Variants in DNMBP observed in about 807,000 individuals in gnomAD.
DNMBP encodes dynamin-binding protein.
In DNMBP, 87 loss-of-function variants were observed where a neutral mutation model predicts 150.0. The ratio of observed to expected loss-of-function variants is 0.58; its 90% confidence interval spans 0.49 to 0.69. The LOEUF is 0.69. Ranked by LOEUF, DNMBP falls within the 30% of genes least tolerant of loss-of-function variation. The pLI is 0.00. For synonymous variants in DNMBP, 711 were observed against 750.4 expected (o/e 0.95, Z 0.86); for missense variants, 1,774 against 1,949.0 (o/e 0.91, Z 1.69).
chr10:99,878,507 G>A (rs376853029), intron 16 of DNMBP, among the ~76,000 whole-genome samples: 15 of 152,222 alleles, frequency 9.9e-5, no homozygotes, highest in African/African-American at 2.9e-4. Flanking sequence ...GACCCGGGAA[G>A]TAGGTAGTAA....
chr10:99,905,307 ATT>A (rs1195488379), intron 6 of DNMBP, among the ~76,000 whole-genome samples: 9 of 152,232 alleles, frequency 5.9e-5, no homozygotes, highest in Non-Finnish European at 1.3e-4. Flanking sequence ...ACACAGTTGT[ATT>A]CTGTATAGAG....
At chr10:99,889,132 A>G (rs577795837) in intron 11 of DNMBP, 179 bp from the exon 12 acceptor site, 1 of 646,160 alleles carries the variant, frequency 1.5e-6, no homozygotes, top group South Asian at 2.2e-5. Context: ...CTTACGGGGC[A>G]CAGAGAAAGG....
At chr10:99,919,671 C>T (rs2040001630) in intron 4 of DNMBP, among the ~76,000 whole-genome samples, 1 of 152,168 alleles carries the variant, frequency 6.6e-6, no homozygotes, top group Non-Finnish European at 1.5e-5. Context: ...CGTGCGCCAC[C>T]AGCTACTTGG....
At chr10:99,878,119 C>T (rs2039304807) in intron 16 of DNMBP, among the ~76,000 whole-genome samples, 1 of 152,212 alleles carries the variant, frequency 6.6e-6, no homozygotes, top group South Asian at 2.1e-4. Flanking sequence ...ACTACCTTTT[C>T]AGTCTTTTAG....
At chr10:99,970,953 C>G (rs2040666786) in intron 2 of DNMBP, among the ~76,000 whole-genome samples, 1 of 69,258 alleles carries the variant, frequency 1.4e-5, no homozygotes, top group African/African-American at 5.3e-5. Context: ...GCCTGGGCAA[C>G]AGAGCAAGAC....
intron 15 of DNMBP, among the ~76,000 whole-genome samples, chr10:99,883,493 A>T (rs1029137714): frequency 6.6e-6 from 1 of 151,882 alleles, no homozygotes; most frequent in Non-Finnish European, 1.5e-5. Flanking sequence ...GCAAGACGTA[A>T]TATCTATAAA....
intron 1 of DNMBP, among the ~76,000 whole-genome samples, chr10:99,981,631 T>C (rs908674789): frequency 2.0e-5 from 3 of 152,212 alleles, no homozygotes; most frequent in African/African-American, 7.2e-5. Flanking sequence ...GGAATCAAAG[T>C]CTGAACTTGG....
rs1416026386 is a variant in DNMBP at position 99,876,994 on chromosome 10, C to T, written c.*157G>A. The T allele has an allele frequency of 3.1e-5, 18 of 578,936 alleles. No homozygotes were observed. Among genetic ancestry groups the T allele is most frequent in the Middle Eastern group, 9.3e-4 (2 of 2,160 alleles). 35.9% of individuals were successfully genotyped at this position (578,936 alleles called of 1,614,324 possible). A position where few individuals can be genotyped will look rare whatever the true frequency, so the allele number is the denominator to read the frequency against. Reference sequence around the variant, plus strand: ...TGAGCATCAAGGTTTACAACCCAATCGAGGAGAACAAGATCTGTGGTGTGC... The same window carrying T: ...TGAGCATCAAGGTTTACAACCCAATTGAGGAGAACAAGATCTGTGGTGTGC... On this transcript the variant is annotated 3_prime_UTR_variant, in exon 17 of 17. Coordinates refer to ENST00000324109, the MANE Select transcript of DNMBP (RefSeq NM_015221.4).
At chr10:99,951,236 T>C (rs2040419264) in intron 4 of DNMBP, among the ~76,000 whole-genome samples, 2 of 152,230 alleles carry the variant, frequency 1.3e-5, no homozygotes, top group Admixed American at 1.3e-4. Flanking sequence ...TTTCAGAGGA[T>C]GTATGGAAAT....
rs765980582 is a variant in DNMBP, at chr10:99,888,896, T to C, written c.3214A>G (p.Arg1072Gly). Residue 1072 changes from arginine (R) to glycine (G), a missense_variant, in exon 12 of 17, where the codon AGA (arginine) becomes GGA (glycine). Arg to Gly is a moderately radical substitution (Grantham distance 125). This residue lies in a region of DNMBP where 1,430 missense variants were observed against 1,492.5 expected (regional missense o/e 0.96). Transcript: ENST00000324109. ...AACTGCTCCAGGTCCCGGTGTCCTC[T>C]CTCCATGCACACATCCCACATGCTC... ...AVSMWDVCME[R>G]GHRDLEQFER... 5.0e-6 allele frequency: 8 copies of C among 1,614,128 alleles called. No homozygotes were observed. The highest frequency in any genetic ancestry group is 4.4e-5 in the South Asian group (4 of 91,074).
chr10:99,880,103 C>T lies in DNMBP; in HGVS notation c.4256G>A (p.Ser1419Asn), dbSNP rs1564712414. 1.2e-6 allele frequency: 2 copies of T among 1,614,194 alleles called. No homozygotes were observed. Among genetic ancestry groups the T allele is most frequent in the Admixed American group, 1.7e-5 (1 of 60,024 alleles). The change falls in exon 16 of 17, where the codon AGT (serine) becomes AAT (asparagine). Residue 1419 changes from serine (S) to asparagine (N), a missense_variant. By Grantham distance (46) the Ser-to-Asn change is conservative. Coordinates refer to ENST00000324109, the MANE Select transcript of DNMBP (RefSeq NM_015221.4). ...TGAATTACTCGGATTTAGGGATGCA[C>T]TGAGAGTTCCTTGGTCACATTCTTT... ...PPKECDQGTLSASLNPSNSES... is the reference protein window; with the variant it reads ...PPKECDQGTLNASLNPSNSES...
chr10:99,985,007 T>C (rs2040815585), intron 1 of DNMBP, among the ~76,000 whole-genome samples: 1 of 152,144 alleles, frequency 6.6e-6, no homozygotes, highest in Non-Finnish European at 1.5e-5. Flanking sequence ...TTCTCAAAAG[T>C]GCTGGGATTA....
At chr10:99,937,493 T>G (rs568513538) in intron 4 of DNMBP, among the ~76,000 whole-genome samples, 6 of 152,186 alleles carry the variant, frequency 3.9e-5, no homozygotes. Context: ...GGGCCACAGT[T>G]TGAACCCAGA....
Position 99,955,928 on chromosome 10 carries a change from A to G in DNMBP, c.1546T>C (p.Ser516Pro), listed in dbSNP as rs2040485851. 2 of 1,614,160 alleles carry G rather than the reference A, an allele frequency of 1.2e-6. No individual in the cohort carries two copies. The highest frequency in any genetic ancestry group is 8.5e-7 in the Non-Finnish European group (1 of 1,180,028). The change falls in exon 4 of 17, where the codon TCC becomes CCC. Residue 516 changes from serine to proline, a missense_variant. Around this residue, in one of 2 missense-constraint regions of DNMBP, gnomAD observed 1,430 missense variants for 1,492.5 expected, o/e 0.96. Transcript: ENST00000324109. ...TTCATCTCCAATCTCTCTGAGATGGAGTAAACACTGGACGTGTGGTGCTTT... is the reference window on the plus strand; with the variant it reads ...TTCATCTCCAATCTCTCTGAGATGGGGTAAACACTGGACGTGTGGTGCTTT... ...TKKHHTSSVYSISERLEMKPG... is the reference protein window; with the variant it reads ...TKKHHTSSVYPISERLEMKPG...
chr10:99,939,063 G>A (rs961795389), intron 4 of DNMBP, among the ~76,000 whole-genome samples: 17 of 152,034 alleles, frequency 1.1e-4, no homozygotes, highest in African/African-American at 4.1e-4. Context: ...TTTGGAAGGA[G>A]AGAGAAGAGA....
At chr10:99,976,803 A>C (rs2040732533) in intron 1 of DNMBP, among the ~76,000 whole-genome samples, 1 of 152,062 alleles carries the variant, frequency 6.6e-6, no homozygotes, top group Non-Finnish European at 1.5e-5. Context: ...AAAACACCAC[A>C]CATAATGTCC....
At chr10:100,004,376 T>C (rs61871671) in intron 1 of DNMBP, among the ~76,000 whole-genome samples, 7,636 of 152,136 alleles carry the variant, frequency 0.05, 235 homozygotes, top group South Asian at 0.16. Context: ...TTAAGATGAA[T>C]GGCTTGCTGT....
In DNMBP at chr10:99,877,163, G is replaced by A. The variant is rs983674766; in HGVS notation, c.4722C>T (p.Thr1574=). The change falls in exon 17 of 17, where the codon ACC becomes ACT. Residue 1574 remains threonine, a synonymous_variant. Coordinates refer to ENST00000324109, the MANE Select transcript of DNMBP (RefSeq NM_015221.4). The stretch of plus-strand genomic sequence containing the variant: ...AGGCAACGTGGGCTCAGGTGTACTC[G>A]GTTTTGCGGATATAATTGGAGGGAA... ...GYVPSNYIRK[T]EYT The A allele has an allele frequency of 5.6e-6, 9 of 1,609,600 alleles. No homozygotes were observed. Among genetic ancestry groups the A allele is most frequent in the Middle Eastern group, 1.6e-4 (1 of 6,074 alleles).
At chr10:99,890,522 T>C (rs1316379700) in intron 11 of DNMBP, among the ~76,000 whole-genome samples, 1 of 152,192 alleles carries the variant, frequency 6.6e-6, no homozygotes, top group East Asian at 1.9e-4. Context: ...CTCAGGTATA[T>C]AGTGTCACAC....
Sources: gnomAD v4.1 joint callset for allele counts (sites outside exome capture counted in the v4.1 genomes callset) on GRCh38, gnomAD v4.1.1 for gene constraint, gnomAD v4.1.1 regional missense constraint, MANE v1.5 for transcripts, NCBI Gene and HGNC (gene_info 2026-07-23, HGNC 2026-07-21) for gene names.